The following THRB variants were observed in gnomAD, a reference collection of about 807,000 sequenced individuals.
THRB encodes the protein thyroid hormone receptor beta.
In THRB, 12 loss-of-function variants were observed where a neutral mutation model predicts 47.8. That is an observed-to-expected ratio of 0.25 (90% confidence interval 0.16 to 0.41). THRB has a LOEUF of 0.41. Among genes scored for constraint, THRB ranks in the 10% least tolerant of loss-of-function variants. The pLI, the probability that THRB is intolerant of heterozygous loss-of-function variation, is 1.00. For synonymous variants in THRB, 218 were observed against 212.2 expected (o/e 1.03, Z -0.24); for missense variants, 348 against 589.2 (o/e 0.59, Z 4.24).
intron 2 of THRB, among the ~76,000 whole-genome samples, chr3:24,300,409 G>A (rs1053354236): frequency 3.3e-5 from 5 of 152,014 alleles, no homozygotes; most frequent in Non-Finnish European, 7.4e-5. Flanking sequence ...CATGATACAC[G>A]TGCACCACAT....
At chr3:24,264,113 C>T (rs1378932257) in intron 3 of THRB, among the ~76,000 whole-genome samples, 1 of 152,142 alleles carries the variant, frequency 6.6e-6, no homozygotes, top group Non-Finnish European at 1.5e-5. Flanking sequence ...ACCAAGTTCC[C>T]CATTCCCCCT....
At chr3:24,285,913 C>A (rs1576556038) in intron 3 of THRB, among the ~76,000 whole-genome samples, 1 of 152,096 alleles carries the variant, frequency 6.6e-6, no homozygotes, top group African/African-American at 2.4e-5. Flanking sequence ...AGCACTAACC[C>A]CCAATGTGAT....
chr3:24,376,918 C>A (rs1034349431), intron 1 of THRB, among the ~76,000 whole-genome samples: 5 of 151,986 alleles, frequency 3.3e-5, no homozygotes, highest in African/African-American at 1.2e-4. Flanking sequence ...CTGTTTCTGC[C>A]TGCCCAAAAT....
At chr3:24,251,191 G>C (rs1199974585) in intron 3 of THRB, among the ~76,000 whole-genome samples, 1 of 152,004 alleles carries the variant, frequency 6.6e-6, no homozygotes, top group Non-Finnish European at 1.5e-5. Flanking sequence ...ACCTATGTGA[G>C]ACCCTCAATG....
rs752884233 is a variant in THRB, at chr3:24,143,614, C to T, written c.625G>A (p.Gly209Arg). Reference sequence around the variant, plus strand: ...TCGTCTGTGGGCTCTGGCTTGTGCCCGATGGACTTCTGCAGCTCTTCCCGC... The same window carrying T: ...TCGTCTGTGGGCTCTGGCTTGTGCCTGATGGACTTCTGCAGCTCTTCCCGC... ...RRREELQKSI[G>R]HKPEPTDEEW... is the part of the protein sequence containing the mutation. Residue 209 changes from glycine (G) to arginine (R), a missense_variant, in exon 8 of 11, where the codon GGG becomes AGG. Gly to Arg is a moderately radical substitution (Grantham distance 125, BLOSUM62 -2). Transcript: ENST00000646209. The T allele has an allele frequency of 9.9e-6, 16 of 1,614,044 alleles. No individual in the cohort carries two copies. The highest frequency in any genetic ancestry group is 1.7e-5 in the Admixed American group (1 of 60,002).
chr3:24,476,255 A>C (rs183441916), intron 1 of THRB, among the ~76,000 whole-genome samples: 2 of 152,284 alleles, frequency 1.3e-5, no homozygotes, highest in African/African-American at 4.8e-5. Flanking sequence ...GCTTGGCTTC[A>C]CCCAGATCAC....
intron 7 of THRB, among the ~76,000 whole-genome samples, chr3:24,145,379 A>G (rs1030144811): frequency 1.3e-5 from 2 of 152,158 alleles, no homozygotes; most frequent in African/African-American, 2.4e-5. Flanking sequence ...ATTTATTTCC[A>G]TACAGTCTAG....
chr3:24,182,228 C>CAA (rs142372187), intron 5 of THRB, among the ~76,000 whole-genome samples: 5 of 151,354 alleles, frequency 3.3e-5, no homozygotes, highest in Admixed American at 6.6e-5. Context: ...AAAAAACAAA[C>CAA]AAAAAAAAGA....
chr3:24,197,257 C>A (rs762464776), intron 4 of THRB, among the ~76,000 whole-genome samples: 7 of 152,220 alleles, frequency 4.6e-5, no homozygotes, highest in Non-Finnish European at 1.0e-4. Flanking sequence ...ATATGGACTA[C>A]CAATAGGATT....
intron 2 of THRB, among the ~76,000 whole-genome samples, chr3:24,304,830 C>A (rs1234880340): frequency 6.6e-6 from 1 of 151,946 alleles, no homozygotes; most frequent in African/African-American, 2.4e-5. Context: ...GAAAAACATG[C>A]ACACAAAAAT....
At chr3:24,193,822 CAT>C (rs10580092) in intron 4 of THRB, among the ~76,000 whole-genome samples, 6,637 of 152,254 alleles carry the variant, frequency 0.044, 455 homozygotes, top group African/African-American at 0.15. Context: ...TTTGCACACA[CAT>C]GTTTATAACA....
chr3:24,405,373 A>G (rs1234716181), intron 1 of THRB, among the ~76,000 whole-genome samples: 1 of 151,972 alleles, frequency 6.6e-6, no homozygotes, highest in African/African-American at 2.4e-5. Flanking sequence ...CTTTTGAATT[A>G]CAAGGACAGA....
intron 4 of THRB, among the ~76,000 whole-genome samples, chr3:24,199,528 G>A (rs149779396): frequency 0.011 from 1,658 of 152,264 alleles, 13 homozygotes; most frequent in Middle Eastern, 0.02. Context: ...GAGCTGTTAG[G>A]AGATAAACAA....
intron 3 of THRB, among the ~76,000 whole-genome samples, chr3:24,285,184 A>G (rs2055130909): frequency 6.7e-6 from 1 of 149,782 alleles, no homozygotes; most frequent in Non-Finnish European, 1.5e-5. Context: ...AACCAACCCA[A>G]ATGTCCAACA....
intron 3 of THRB, among the ~76,000 whole-genome samples, chr3:24,284,787 T>C (rs1160775169): frequency 6.6e-6 from 1 of 151,138 alleles, no homozygotes; most frequent in Admixed American, 6.6e-5. Context: ...GAACAGACAC[T>C]TCTCAAAAGA....
intron 5 of THRB, chr3:24,164,899 C>T (rs571106164): frequency 1.7e-4 from 102 of 597,116 alleles, no homozygotes; most frequent in Non-Finnish European, 1.6e-4. Flanking sequence ...CTCTTACTGC[C>T]GTTTTTAATT....
chr3:24,121,342 T>A lies in THRB; in HGVS notation c.*1542A>T, dbSNP rs1390118737. ...GCATCTACTTGGTTTCCATAGTGAC[T>A]TTCCTTCCTTTGTTTTTAGGTAAAT... On this transcript the variant is annotated 3_prime_UTR_variant, in exon 11 of 11. Coordinates refer to ENST00000646209, the MANE Select transcript of THRB (RefSeq NM_001354712.2). 1 of 152,674 alleles carries A rather than the reference T, an allele frequency of 6.5e-6. No homozygotes were observed. Among genetic ancestry groups the A allele is most frequent in the Non-Finnish European group, 1.5e-5 (1 of 68,056 alleles). The allele number at this position is 152,674 out of a possible 1,614,324, so 9.5% of individuals were successfully genotyped here.
At position 24,146,350 on chromosome 3, in the gene THRB, A is replaced by G. The variant is rs191625006; in HGVS notation, c.532+325T>C. On this transcript the variant is annotated intron_variant, in intron 7 of 10. Transcript: ENST00000646209. ...AAATGGACCAGACCTCTCATTTGTA[A>G]TCTCTGTCTCAAACAGAGTGTTGCT... 1.9e-3 allele frequency among the ~76,000 whole-genome samples: 292 copies of G among 152,330 alleles called. 1 individual carries two copies. The highest frequency in any genetic ancestry group is 6.5e-3 in the African/African-American group (269 of 41,570).
chr3:24,454,364 G>A (rs1560224725), intron 1 of THRB, among the ~76,000 whole-genome samples: 1 of 152,122 alleles, frequency 6.6e-6, no homozygotes, highest in African/African-American at 2.4e-5. Flanking sequence ...AGCTGGAGGA[G>A]GGAATGAGGA....
Sources: gnomAD v4.1 joint callset for allele counts (sites outside exome capture counted in the v4.1 genomes callset) on GRCh38, gnomAD v4.1.1 for gene constraint, MANE v1.5 for transcripts, NCBI Gene and HGNC (gene_info 2026-07-23, HGNC 2026-07-21) for gene names.